KLHL31: variants seen among roughly 807,000 people sequenced by gnomAD.
The protein encoded by KLHL31 is kelch like family member 31, also known as kelch-like protein 31.
In KLHL31, 32 loss-of-function variants were observed where a neutral mutation model predicts 47.1. That is an observed-to-expected ratio of 0.68 (90% CI 0.51 to 0.91). The LOEUF (loss-of-function observed/expected upper bound fraction) is 0.91. Ranked by LOEUF, KLHL31 falls within the 40% of genes least tolerant of loss-of-function variation. KLHL31 has a pLI of 0.00. For missense variants in KLHL31, 797 were observed against 819.3 expected, an observed-to-expected ratio of 0.97 and a Z score of 0.33; for synonymous variants, 330 against 325.1, an observed-to-expected ratio of 1.01 and a Z score of -0.16.
Position 53,654,726 on chromosome 6 carries a change from A to T in KLHL31, c.547T>A (p.Ser183Thr), listed in dbSNP as rs143681631. 2.0e-4 allele frequency: 319 copies of T among 1,614,184 alleles called. 1 individual carries two copies. The African/African-American group carries it at 3.5e-3, about 18-fold the overall frequency. The stretch of plus-strand genomic sequence containing the variant: ...GCTGCTGCTTTTGCATTTTTTAGGG[A>T]GTATGTTTCAGCAATATTAACAACA... ...MYVVNIAETY[S>T]LKNAKAAAQK... Residue 183 changes from serine to threonine, a missense_variant, in exon 2 of 3, where the codon TCC (serine) becomes ACC (threonine). Ser to Thr is a moderately conservative substitution (Grantham distance 58). Coordinates refer to ENST00000370905, the MANE Select transcript of KLHL31 (RefSeq NM_001003760.5).
In KLHL31 at chr6:53,648,781, A is replaced by T. The variant is rs1764428350; in HGVS notation, c.*2817T>A. The T allele has an allele frequency of 6.6e-6, 1 of 152,186 alleles. No individual in the cohort carries two copies. The highest frequency in any genetic ancestry group is 2.1e-4 in the South Asian group (1 of 4,830). The allele number at this position is 152,186 out of a possible 1,614,324, so 9.4% of individuals were successfully genotyped here. A position where few individuals can be genotyped will look rare whatever the true frequency, so the allele number is the denominator to read the frequency against. The stretch of plus-strand genomic sequence containing the variant: ...TCAGGGATGACAACTTGGCACCAAG[A>T]ACCTAACTAAAAATGGACAAAGTAT... On this transcript the variant is annotated 3_prime_UTR_variant, in exon 3 of 3. Coordinates refer to ENST00000370905, the MANE Select transcript of KLHL31 (RefSeq NM_001003760.5).
chr6:53,658,108 C>T (rs573112531), intron 1 of KLHL31, among the ~76,000 whole-genome samples: 1 of 152,276 alleles, frequency 6.6e-6, no homozygotes, highest in South Asian at 2.1e-4. Flanking sequence ...AGATATCCAT[C>T]TTGGTGTGGG....
chr6:53,655,311 A>C lies in KLHL31; in HGVS notation c.-33-6T>G. 1 of 1,346,026 alleles carries C rather than the reference A, an allele frequency of 7.4e-7. No homozygotes were observed. 83.4% of individuals were successfully genotyped at this position (1,346,026 alleles called of 1,614,324 possible). A position where few individuals can be genotyped will look rare whatever the true frequency, so the allele number is the denominator to read the frequency against. On this transcript the variant is annotated splice_region_variant and splice_polypyrimidine_tract_variant and intron_variant, in intron 1 of 2. Coordinates refer to ENST00000370905, the MANE Select transcript of KLHL31 (RefSeq NM_001003760.5). The stretch of plus-strand genomic sequence containing the variant: ...CTGTTACAGGCAAGAGCTTGCTAAA[A>C]AGAGAAAAAAAAAAACATGGTTTTG...
At position 53,652,126 on chromosome 6, in the gene KLHL31, G is replaced by T. The variant is rs779830630; in HGVS notation, c.1377C>A (p.His459Gln). Residue 459 changes from histidine (H) to glutamine (Q), a missense_variant, in exon 3 of 3, where the codon CAC becomes CAA. By Grantham distance (24) the His-to-Gln change is conservative. Transcript: ENST00000370905. Reference sequence around the variant, plus strand: ...CGCGGCCGTCGGCGACCGCGCTAGCGTGGCAGCAGCGCGCCACCTCCAGGG... The same window carrying T: ...CGCGGCCGTCGGCGACCGCGCTAGCTTGGCAGCAGCGCGCCACCTCCAGGG... ...KTPLEVARCC[H>Q]ASAVADGRVL... 1.1e-5 allele frequency: 18 copies of T among 1,601,706 alleles called. No individual in the cohort carries two copies. The highest frequency in any genetic ancestry group is 4.0e-5 in the African/African-American group (3 of 74,876).
intron 1 of KLHL31, among the ~76,000 whole-genome samples, chr6:53,661,258 G>A (rs1274896614): frequency 1.3e-5 from 2 of 152,198 alleles, no homozygotes; most frequent in Non-Finnish European, 2.9e-5. Flanking sequence ...TTACAGAAAA[G>A]ACTAGCTCCC....
rs778365995 is a variant in KLHL31 at position 53,652,198 on chromosome 6, C to T, written c.1305G>A (p.Ser435=). 1.9e-6 allele frequency: 3 copies of T among 1,612,294 alleles called. No individual in the cohort carries two copies. Among genetic ancestry groups the T allele is most frequent in the Admixed American group, 3.3e-5 (2 of 60,022 alleles). The change falls in exon 3 of 3, where the codon TCG becomes TCA. Residue 435 remains serine, a synonymous_variant. Transcript: ENST00000370905. The part of the protein sequence containing the change: ...GGRNAEGSLA[S]LECYVPSTNQ... ...TGGTGGAGGGCACGTAGCACTCCAG[C>T]GAGGCCAGGCTTCCTTCTGCGTTGC...
Position 53,653,861 on chromosome 6 carries a change from A to G in KLHL31, c.1172+240T>C, listed in dbSNP as rs180978805. 4.2e-3 allele frequency among the ~76,000 whole-genome samples: 638 copies of G among 150,556 alleles called. 7 individuals carry two copies. Among genetic ancestry groups the G allele is most frequent in the African/African-American group, 0.014 (594 of 41,202 alleles). ...TATCAGGTTTCTCATATGTAAAATCAGAATAATTATATCTTCCCCGCCCAC... is the reference window on the plus strand; with the variant it reads ...TATCAGGTTTCTCATATGTAAAATCGGAATAATTATATCTTCCCCGCCCAC... On this transcript the variant is annotated intron_variant, in intron 2 of 2. Transcript: ENST00000370905.
intron 1 of KLHL31, among the ~76,000 whole-genome samples, chr6:53,661,180 T>C (rs1230882644): frequency 1.3e-5 from 2 of 152,174 alleles, no homozygotes; most frequent in African/African-American, 4.8e-5. Flanking sequence ...AGCCACTGCT[T>C]TTCTCAACTT....
At chr6:53,661,978 T>A (rs929747367) in intron 1 of KLHL31, among the ~76,000 whole-genome samples, 6 of 152,330 alleles carry the variant, frequency 3.9e-5, no homozygotes, top group Non-Finnish European at 8.8e-5. Context: ...TCTTTTTTTT[T>A]AAAGCTCTCT....
In KLHL31 at chr6:53,655,007, G is replaced by A; in HGVS notation, c.266C>T (p.Ser89Leu). Reference protein sequence around the residue: ...TKTKSFDVHKSVMASCSEYFY... With the variant: ...TKTKSFDVHKLVMASCSEYFY... ...ATACTCACTGCATGAAGCCATGACT[G>A]ACTTATGAACATCAAAGGATTTGGT... The change falls in exon 2 of 3, where the codon TCA becomes TTA. Residue 89 changes from serine (S) to leucine (L), a missense_variant. Ser to Leu is a moderately radical substitution (Grantham distance 145, BLOSUM62 -2). Transcript: ENST00000370905. The A allele has an allele frequency of 6.2e-7, 1 of 1,614,120 alleles. No homozygotes were observed. Among genetic ancestry groups the A allele is most frequent in the Non-Finnish European group, 8.5e-7 (1 of 1,180,038 alleles).
At position 53,649,277 on chromosome 6, in the gene KLHL31, CA is replaced by C. The variant is rs1764434635; in HGVS notation, c.*2320del. 1 of 152,118 alleles carries C rather than the reference CA, an allele frequency of 6.6e-6. No homozygotes were observed. Among genetic ancestry groups the C allele is most frequent in the South Asian group, 2.1e-4 (1 of 4,832 alleles). 9.4% of individuals were successfully genotyped at this position (152,118 alleles called of 1,614,324 possible). A position where few individuals can be genotyped will look rare whatever the true frequency, so the allele number is the denominator to read the frequency against. On this transcript the variant is annotated 3_prime_UTR_variant, in exon 3 of 3. Transcript: ENST00000370905. ...CATACTCCTCGCCAATGTGTTATGT[CA>C]GAAATTCTGACATTCCAAATTCATA...
Position 53,651,674 on chromosome 6 carries a change from C to G in KLHL31, c.1829G>C (p.Cys610Ser). The change falls in exon 3 of 3, where the codon TGC (cysteine) becomes TCC (serine). Residue 610 changes from cysteine (C) to serine (S), a missense_variant. Transcript: ENST00000370905. ...LPEATVGVSCCTLSMPNNVTR... is the reference protein window; with the variant it reads ...LPEATVGVSCSTLSMPNNVTR... ...CACGTTGTTGGGCATCGAGAGGGTG[C>G]AGCAGGACACGCCGACAGTGGCCTC... 1 of 1,614,156 alleles carries G rather than the reference C, an allele frequency of 6.2e-7. No individual in the cohort carries two copies. Among genetic ancestry groups the G allele is most frequent in the Non-Finnish European group, 8.5e-7 (1 of 1,180,036 alleles).
intron 1 of KLHL31, among the ~76,000 whole-genome samples, chr6:53,661,888 C>T (rs1293518499): frequency 6.6e-6 from 1 of 152,212 alleles, no homozygotes; most frequent in Non-Finnish European, 1.5e-5. Flanking sequence ...CTGAGCAATA[C>T]ATTTTGAAAA....
In KLHL31 at chr6:53,654,928, A is replaced by G. The variant is rs1361711473; in HGVS notation, c.345T>C (p.Asp115=). 1.2e-6 allele frequency: 2 copies of G among 1,613,926 alleles called. No individual in the cohort carries two copies. Among genetic ancestry groups the G allele is most frequent in the Non-Finnish European group, 1.7e-6 (2 of 1,179,870 alleles). The change falls in exon 2 of 3, where the codon GAT becomes GAC. Residue 115 remains aspartate, a synonymous_variant. Transcript: ENST00000370905. ...CAGTGGCCAGGCCTAGTGGTGAGAT[A>G]TCATTGAGATCCACCCTCTGAATTG... ...DPSIQRVDLN[D]ISPLGLATVI...
chr6:53,663,480 G>C (rs1764676306), intron 1 of KLHL31, among the ~76,000 whole-genome samples: 2 of 152,192 alleles, frequency 1.3e-5, no homozygotes, highest in African/African-American at 4.8e-5. Context: ...AGGAGGGCTT[G>C]CATGAATCTG....
rs1764429700 is a variant in KLHL31, at chr6:53,648,903, G to A, written c.*2695C>T. On this transcript the variant is annotated 3_prime_UTR_variant, in exon 3 of 3. Coordinates refer to ENST00000370905, the MANE Select transcript of KLHL31 (RefSeq NM_001003760.5). ...TATTATTTCAGTTGCTGGGTAACAT[G>A]CAATTTCCCTGATATATTGAACTGA... 6.6e-6 allele frequency: 1 copy of A among 152,098 alleles called. No homozygotes were observed. The highest frequency in any genetic ancestry group is 1.5e-5 in the Non-Finnish European group (1 of 67,982). 9.4% of individuals were successfully genotyped at this position (152,098 alleles called of 1,614,324 possible).
In KLHL31 at chr6:53,654,163, G is replaced by A. The variant is rs750497020; in HGVS notation, c.1110C>T (p.Ala370=). The change falls in exon 2 of 3, where the codon GCC becomes GCT. Residue 370 remains alanine, a synonymous_variant. Transcript: ENST00000370905. ...TTGCATCATTCTGGTCTTCACCACC[G>A]GCTACATAAAGAAATCCATCCATCA... ...VAVMDGFLYV[A]GGEDQNDARN... 11 of 1,613,708 alleles carry A rather than the reference G, an allele frequency of 6.8e-6. No homozygotes were observed. Among genetic ancestry groups the A allele is most frequent in the Admixed American group, 1.7e-5 (1 of 59,964 alleles).
intron 1 of KLHL31, among the ~76,000 whole-genome samples, chr6:53,662,310 T>TC (rs1764658982): frequency 6.6e-6 from 1 of 152,190 alleles, no homozygotes; most frequent in African/African-American, 2.4e-5. Context: ...TTTACAAGCT[T>TC]CCGCCAGGAC....
chr6:53,655,451 C>G, intron 1 of KLHL31, 146 bp from the exon 2 acceptor site: 1 of 502,356 alleles, frequency 2.0e-6, no homozygotes, highest in Non-Finnish European at 3.4e-6. Flanking sequence ...ACATATTAAA[C>G]TAGATGTACA....
Sources: allele counts gnomAD v4.1 joint callset (sites outside exome capture counted in the v4.1 genomes callset), GRCh38; gene constraint gnomAD v4.1.1; transcripts MANE v1.5; gene names NCBI Gene and HGNC (gene_info 2026-07-23, HGNC 2026-07-21).